SLC35D1: variants seen among roughly 807,000 people sequenced by gnomAD.
SLC35D1 encodes the protein nucleotide sugar transporter SLC35D1.
SLC35D1 carries 31 observed loss-of-function variants against 46.7 expected under a neutral mutation model. The ratio of observed to expected loss-of-function variants is 0.66; its 90% CI spans 0.50 to 0.90. SLC35D1 has a LOEUF of 0.90. Ranked by LOEUF, SLC35D1 falls within the 40% of genes least tolerant of loss-of-function variation. The probability of loss-of-function intolerance (pLI) is 0.00; values close to 1 mark genes in which losing one functional copy is unlikely to be tolerated. For missense variants in SLC35D1, 397 were observed against 426.2 expected, an observed-to-expected ratio of 0.93 and a Z score of 0.60; for synonymous variants, 195 against 164.6, an observed-to-expected ratio of 1.18 and a Z score of -1.41.
At chr1:66,993,806 C>T in the SLC35D1 span, among the ~76,000 whole-genome samples, 1 of 152,264 alleles carries the variant, frequency 6.6e-6, no homozygotes, top group Admixed American at 6.5e-5. Flanking sequence ...GTAAAAATGG[C>T]TCAATAAATG....
At chr1:67,036,970 T>C (rs1279789045) in intron 8 of SLC35D1, among the ~76,000 whole-genome samples, 1 of 152,032 alleles carries the variant, frequency 6.6e-6, no homozygotes, top group Non-Finnish European at 1.5e-5. Flanking sequence ...TTATTTGACA[T>C]TACCATGAGG....
chr1:67,051,299 C>T (rs1371640204), intron 4 of SLC35D1, among the ~76,000 whole-genome samples: 2 of 152,196 alleles, frequency 1.3e-5, no homozygotes, highest in Non-Finnish European at 2.9e-5. Context: ...TTCTATTTTA[C>T]AATGCCAGGG....
chr1:67,050,094 A>G (rs1270421684), intron 5 of SLC35D1, among the ~76,000 whole-genome samples: 5 of 152,192 alleles, frequency 3.3e-5, no homozygotes. Context: ...ATTTTTGTGA[A>G]GCAGAATTTC....
chr1:67,013,530 A>G (rs2102254411), intron 10 of SLC35D1, among the ~76,000 whole-genome samples: 1 of 152,224 alleles, frequency 6.6e-6, no homozygotes, highest in East Asian at 1.9e-4. Context: ...AGCCTGGGCA[A>G]CAGAGTGAGA....
intron 8 of SLC35D1, among the ~76,000 whole-genome samples, chr1:67,038,598 C>T (rs1192396482): frequency 6.6e-6 from 1 of 152,138 alleles, no homozygotes; most frequent in African/African-American, 2.4e-5. Flanking sequence ...TAAACACAAT[C>T]TGTACTGATG....
intron 10 of SLC35D1, among the ~76,000 whole-genome samples, chr1:67,018,816 A>G (rs769968879): frequency 2.0e-5 from 3 of 152,218 alleles, no homozygotes; most frequent in Admixed American, 1.3e-4. Context: ...TAATGACAGA[A>G]GCTGCACTGT....
chr1:66,995,262 C>G (rs1299250756), downstream of SLC35D1, among the ~76,000 whole-genome samples: 1 of 151,688 alleles, frequency 6.6e-6, no homozygotes, highest in Non-Finnish European at 1.5e-5. Flanking sequence ...ATTTCAATGC[C>G]TTTGAGCAGG....
the SLC35D1 span, chr1:66,982,005 T>G: frequency 3.5e-6 from 5 of 1,415,598 alleles, no homozygotes; most frequent in African/African-American, 5.7e-5. Flanking sequence ...GGGTTTCTAT[T>G]AAACTTCCAG....
At chr1:67,044,670 T>C (rs1645232238) in intron 7 of SLC35D1, among the ~76,000 whole-genome samples, 1 of 152,230 alleles carries the variant, frequency 6.6e-6, no homozygotes, top group Non-Finnish European at 1.5e-5. Flanking sequence ...ACTTCTATCA[T>C]AAACATGCAT....
chr1:67,050,485 G>T lies in SLC35D1; in HGVS notation c.412C>A (p.Leu138Met). 6.2e-7 allele frequency: 1 copy of T among 1,611,832 alleles called. No homozygotes were observed. Among genetic ancestry groups the T allele is most frequent in the South Asian group, 1.1e-5 (1 of 90,870 alleles). The change falls in exon 5 of 12, where the codon CTG (leucine) becomes ATG (methionine). Residue 138 changes from leucine (L) to methionine (M), a missense_variant. Leu to Met is a conservative substitution (Grantham distance 15). Transcript: ENST00000235345. ...GTAAACAGGATGGAGAACCTTCTCA[G>T]AACTGTAAACATTGGCAAGCTGGAA... is the stretch of plus-strand genomic sequence containing the variant. Reference protein sequence around the residue: ...KKLNLPMFTVLRRFSILFTMF... With the variant: ...KKLNLPMFTVMRRFSILFTMF...
In SLC35D1 at chr1:67,009,146, CAATAT is replaced by C; in HGVS notation, c.893_897del (p.Tyr298TrpfsTer35). On this transcript the variant is annotated frameshift_variant, in exon 11 of 12. Coordinates refer to ENST00000235345, the MANE Select transcript of SLC35D1 (RefSeq NM_015139.3). LOFTEE classifies it high-confidence loss of function. Reference sequence around the variant, plus strand: ...ATATAATCTCCACCAAAGACCATTCCAATATAAGTTATTAATATATTCTAAAAATA... The same window carrying C: ...ATATAATCTCCACCAAAGACCATTCCAAGTTATTAATATATTCTAAAAATA... The C allele has an allele frequency of 1.4e-6, 2 of 1,439,920 alleles. No homozygotes were observed. The highest frequency in any genetic ancestry group is 9.7e-7 in the Non-Finnish European group (1 of 1,032,050). 89.2% of individuals were successfully genotyped at this position (1,439,920 alleles called of 1,614,324 possible).
rs570269755 is a variant in SLC35D1, at chr1:67,001,164, G to A, written c.*3176C>T. 1.3e-5 allele frequency: 2 copies of A among 152,430 alleles called. No homozygotes were observed. The highest frequency in any genetic ancestry group is 6.5e-5 in the Admixed American group (1 of 15,300). 9.4% of individuals were successfully genotyped at this position (152,430 alleles called of 1,614,324 possible). On this transcript the variant is annotated 3_prime_UTR_variant, in exon 12 of 12. Coordinates refer to ENST00000235345, the MANE Select transcript of SLC35D1 (RefSeq NM_015139.3). ...CTCACTGAACGAGGCTATCAAGTAA[G>A]GCAGGCCCAAAGTCCTGGGGTGCCA...
intron 6 of SLC35D1, among the ~76,000 whole-genome samples, chr1:67,048,455 A>G: frequency 6.6e-6 from 1 of 152,236 alleles, no homozygotes; most frequent in South Asian, 2.1e-4. Flanking sequence ...CAAGGGGGGA[A>G]TATGACATAG....
chr1:67,039,238 C>T (rs763229516), intron 8 of SLC35D1, among the ~76,000 whole-genome samples: 10 of 152,162 alleles, frequency 6.6e-5, no homozygotes, highest in Middle Eastern at 3.4e-3. Flanking sequence ...TTGCCATGTC[C>T]CCAGTTATTT....
intron 8 of SLC35D1, 90 bp from the exon 9 acceptor site, chr1:67,021,692 C>CAGA (rs777161247): frequency 0.016 from 3,693 of 230,764 alleles, 99 homozygotes; most frequent in East Asian, 0.053. Flanking sequence ...GAGTCTGCCT[C>CAGA]CAACACAGAC....
At position 67,004,441 on chromosome 1, in the gene SLC35D1, C is replaced by T. The variant is rs1328803621; in HGVS notation, c.967G>A (p.Gly323Arg). 2.5e-6 allele frequency: 4 copies of T among 1,613,708 alleles called. No individual in the cohort carries two copies. The Admixed American group carries it at 6.7e-5, about 27-fold the overall frequency. Residue 323 changes from glycine to arginine, a missense_variant, in exon 12 of 12, where the codon GGG (glycine) becomes AGG (arginine). Transcript: ENST00000235345. ...GTGATATAGGAATATACCAGGCTCC[C>T]AGCAATGCTGCAAAACAGAAAGCCA... is the stretch of plus-strand genomic sequence containing the variant. Reference protein sequence around the residue: ...NFIGLNISIAGSLVYSYITFT... With the variant: ...NFIGLNISIARSLVYSYITFT...
chr1:66,998,043 G>A (rs1263039000), downstream of SLC35D1, among the ~76,000 whole-genome samples: 1 of 151,942 alleles, frequency 6.6e-6, no homozygotes, highest in Non-Finnish European at 1.5e-5. Flanking sequence ...AAGTGTTGGT[G>A]AGGATGTGGA....
chr1:66,994,591 C>A (rs558149250), downstream of SLC35D1, among the ~76,000 whole-genome samples: 1 of 151,998 alleles, frequency 6.6e-6, no homozygotes, highest in East Asian at 1.9e-4. Flanking sequence ...TTGCAGTGAG[C>A]CGAGATCGCG....
chr1:66,985,121 G>A, the SLC35D1 span: 1 of 1,189,362 alleles, frequency 8.4e-7, no homozygotes, highest in Non-Finnish European at 1.1e-6. Context: ...TAGTAAATTT[G>A]AATGAACTAA....
Sources: allele counts gnomAD v4.1 joint callset (sites outside exome capture counted in the v4.1 genomes callset), GRCh38; gene constraint gnomAD v4.1.1; transcripts MANE v1.5; gene names NCBI Gene and HGNC (gene_info 2026-07-23, HGNC 2026-07-21).